MYH15: variants seen among roughly 807,000 people sequenced by gnomAD.
The protein encoded by MYH15 is myosin heavy chain 15, also known as myosin-15.
In MYH15, 227 loss-of-function variants were observed where a neutral mutation model predicts 240.5. The observed-to-expected ratio is 0.94, with a 90% CI of 0.85 to 1.05. MYH15 has a LOEUF of 1.05. Ranked by LOEUF, MYH15 falls within the 50% of genes least tolerant of loss-of-function variation. The pLI is 0.00. For missense variants in MYH15, 2,217 were observed against 2,247.5 expected (o/e 0.99, Z 0.27); for synonymous variants, 785 against 796.7 (o/e 0.99, Z 0.25).
At chr3:108,453,355 A>C (rs2082990735) in intron 21 of MYH15, among the ~76,000 whole-genome samples, 1 of 152,230 alleles carries the variant, frequency 6.6e-6, no homozygotes, top group Admixed American at 6.5e-5. Context: ...AGTTACACCA[A>C]GATCTGTAGA....
chr3:108,444,662 T>A lies in MYH15; in HGVS notation c.2633A>T (p.Asp878Val), dbSNP rs1333849906. The stretch of plus-strand genomic sequence containing the variant: ...CACAGCCTGAAGCTGAAGAATCAGG[T>A]CATTTTTTTCCTGAGTGAGGGATAC... ...KQVSLTQEKN[D>V]LILQLQAEQE... is the part of the protein sequence containing the mutation. Residue 878 changes from aspartate (D) to valine (V), a missense_variant, in exon 22 of 41, where the codon GAC (aspartate) becomes GTC (valine). Transcript: ENST00000693548. 8.1e-6 allele frequency: 13 copies of A among 1,614,020 alleles called. No individual in the cohort carries two copies. The highest frequency in any genetic ancestry group is 1.1e-5 in the Non-Finnish European group (13 of 1,179,948).
At chr3:108,381,585 C>T in intron 40 of MYH15, 26 bp from the exon 41 acceptor site, 3 of 1,613,164 alleles carry the variant, frequency 1.9e-6, no homozygotes, top group South Asian at 2.2e-5. Flanking sequence ...TCAGTGTGTT[C>T]TGTGAATTTC....
chr3:108,381,616 A>G (rs986424388), intron 40 of MYH15, 57 bp from the exon 41 acceptor site: 3 of 1,594,410 alleles, frequency 1.9e-6, no homozygotes, highest in Middle Eastern at 1.7e-4. Context: ...CACCAGTGGA[A>G]CACATGTCCA....
rs556499570 is a variant in MYH15, at chr3:108,501,654, T to C, written c.339+58A>G. ...AATGTAAGAGATCACCCAGGAGAGA[T>C]TGGGACATGCAATGTGACTGCCAAC... On this transcript the variant is annotated intron_variant, in intron 3 of 40. Coordinates refer to ENST00000693548, the MANE Select transcript of MYH15 (RefSeq NM_014981.3). 185 of 1,604,218 alleles carry C rather than the reference T, an allele frequency of 1.2e-4. No homozygotes were observed. The Admixed American group carries it at 1.3e-3, about 11-fold the overall frequency.
At chr3:108,536,802 T>C in the MYH15 span, among the ~76,000 whole-genome samples, 1 of 152,202 alleles carries the variant, frequency 6.6e-6, no homozygotes, top group African/African-American at 2.4e-5. Flanking sequence ...TACCTCAGCA[T>C]TTATCACTTG....
chr3:108,429,021 T>A, intron 26 of MYH15, 140 bp from the exon 27 acceptor site: 1 of 909,096 alleles, frequency 1.1e-6, no homozygotes, highest in Non-Finnish European at 1.6e-6. Context: ...AGAAGTTAAG[T>A]GATTTGCCCC....
intron 21 of MYH15, 144 bp downstream of exon 21, chr3:108,453,862 G>C: frequency 2.7e-6 from 2 of 747,324 alleles, no homozygotes; most frequent in Non-Finnish European, 4.1e-6. Context: ...CTGTCCTTTT[G>C]TTATCTCATG....
intron 25 of MYH15, among the ~76,000 whole-genome samples, chr3:108,431,769 G>A (rs1362395753): frequency 6.6e-6 from 1 of 152,212 alleles, no homozygotes; most frequent in Non-Finnish European, 1.5e-5. Flanking sequence ...AATGCGGAAA[G>A]TTTGAAACTC....
intron 8 of MYH15, among the ~76,000 whole-genome samples, chr3:108,492,867 T>C (rs1576267353): frequency 6.6e-6 from 1 of 151,974 alleles, no homozygotes; most frequent in African/African-American, 2.4e-5. Context: ...AGAGGATTGC[T>C]TGATCCCAGG....
Position 108,441,172 on chromosome 3 carries a change from G to C in MYH15, c.2744C>G (p.Ser915Trp). 4.3e-6 allele frequency: 7 copies of C among 1,613,974 alleles called. No individual in the cohort carries two copies. The highest frequency in any genetic ancestry group is 3.4e-6 in the Non-Finnish European group (4 of 1,179,960). ...IQLEARVKEL[S>W]ERVEEEEEIN... Reference sequence around the variant, plus strand: ...CTCCTCTTCTTCCTCCACCCTCTCCGACAGCTCCTTTACTCTGGCCTCCAG... The same window carrying C: ...CTCCTCTTCTTCCTCCACCCTCTCCCACAGCTCCTTTACTCTGGCCTCCAG... The change falls in exon 23 of 41, where the codon TCG (serine) becomes TGG (tryptophan). Residue 915 changes from serine (S) to tryptophan (W), a missense_variant. Transcript: ENST00000693548.
intron 3 of MYH15, among the ~76,000 whole-genome samples, chr3:108,500,498 T>G (rs917813819): frequency 1.3e-5 from 2 of 152,126 alleles, no homozygotes; most frequent in African/African-American, 4.8e-5. Context: ...GACCTGCTAA[T>G]TACTAACAAG....
chr3:108,424,408 A>T (rs1202535949), intron 27 of MYH15, among the ~76,000 whole-genome samples: 1 of 152,248 alleles, frequency 6.6e-6, no homozygotes, highest in African/African-American at 2.4e-5. Flanking sequence ...CTATATGGGG[A>T]TATAGCATGC....
intron 6 of MYH15, 94 bp from the exon 7 acceptor site, chr3:108,495,966 T>C: frequency 1.1e-6 from 1 of 896,746 alleles, no homozygotes. Context: ...ACCCCATTCT[T>C]GCTTTGATAA....
chr3:108,471,710 C>T (rs2083179055), intron 12 of MYH15, among the ~76,000 whole-genome samples: 1 of 152,140 alleles, frequency 6.6e-6, no homozygotes. Context: ...CCCACTTATC[C>T]TTGTTTTACT....
chr3:108,442,481 C>T (rs1040442824), intron 22 of MYH15, among the ~76,000 whole-genome samples: 2 of 152,182 alleles, frequency 1.3e-5, no homozygotes, highest in African/African-American at 4.8e-5. Context: ...GACATTTTAT[C>T]TTAGTTCACC....
intron 37 of MYH15, 76 bp from the exon 38 acceptor site, chr3:108,389,150 T>A (rs1044414019): frequency 3.9e-6 from 5 of 1,294,902 alleles, no homozygotes; most frequent in Non-Finnish European, 5.6e-6. Flanking sequence ...GCACAATCAT[T>A]TGAAAGACAG....
Position 108,490,014 on chromosome 3 carries a change from CAG to C in MYH15, c.871+2484_871+2485del, listed in dbSNP as rs940786587. On this transcript the variant is annotated intron_variant, in intron 9 of 40. Coordinates refer to ENST00000693548, the MANE Select transcript of MYH15 (RefSeq NM_014981.3). ...GGCATCAGATGCTTCTATTAGTAAA[CAG>C]AGTTGCTCTGAAAATAATCTTGCAG... Among the ~76,000 whole-genome samples, 7 of 152,336 alleles carry C rather than the reference CAG, an allele frequency of 4.6e-5. No individual in the cohort carries two copies. The South Asian group carries it at 1.0e-3, about 23-fold the overall frequency.
At chr3:108,463,481 A>AT (rs1258726321) in intron 15 of MYH15, among the ~76,000 whole-genome samples, 2 of 151,474 alleles carry the variant, frequency 1.3e-5, no homozygotes, top group Non-Finnish European at 2.9e-5. Flanking sequence ...TGCCTGGCTA[A>AT]TTTTTTTTGT....
intron 11 of MYH15, among the ~76,000 whole-genome samples, chr3:108,477,713 G>A (rs990383152): frequency 2.0e-5 from 3 of 151,948 alleles, no homozygotes; most frequent in Admixed American, 6.6e-5. Context: ...TTCCTTTCCC[G>A]GCAAGGTCTC....
Sources: allele counts gnomAD v4.1 joint callset (sites outside exome capture counted in the v4.1 genomes callset), GRCh38; gene constraint gnomAD v4.1.1; transcripts MANE v1.5; gene names NCBI Gene and HGNC (gene_info 2026-07-23, HGNC 2026-07-21).